The following CDR2 variants were observed in gnomAD, a reference collection of about 807,000 sequenced individuals.
CDR2 encodes the protein cerebellar degeneration related protein 2.
A neutral mutation model predicts 48.4 loss-of-function variants in CDR2; 34 were observed. The ratio of observed to expected loss-of-function variants is 0.70; its 90% confidence interval spans 0.53 to 0.94. The LOEUF is 0.94. Ranked by LOEUF, CDR2 falls within the 40% of genes least tolerant of loss-of-function variation. The pLI, the probability that CDR2 is intolerant of heterozygous loss-of-function variation, is 0.00. For missense variants in CDR2, 498 were observed against 549.5 expected (o/e 0.91, Z 0.94); for synonymous variants, 240 against 219.7 (o/e 1.09, Z -0.82).
intron 1 of CDR2, among the ~76,000 whole-genome samples, chr16:22,366,542 A>G (rs2049045815): frequency 6.6e-6 from 1 of 152,308 alleles, no homozygotes; most frequent in East Asian, 1.9e-4. Flanking sequence ...TCAGGGAAAC[A>G]GCACTCCAGG....
At chr16:22,368,469 C>T (rs2049056747) in intron 1 of CDR2, among the ~76,000 whole-genome samples, 1 of 152,212 alleles carries the variant, frequency 6.6e-6, no homozygotes, top group African/African-American at 2.4e-5. Flanking sequence ...CGCGGCCTCC[C>T]CAAGTGCTGG....
chr16:22,349,625 T>G, intron 3 of CDR2, 76 bp downstream of exon 3: 1 of 1,506,054 alleles, frequency 6.6e-7, no homozygotes, highest in Non-Finnish European at 9.1e-7. Context: ...CCAAACCCAC[T>G]GCAGCCATGT....
chr16:22,358,120 G>C (rs554957784), intron 2 of CDR2, among the ~76,000 whole-genome samples: 4 of 152,172 alleles, frequency 2.6e-5, no homozygotes, highest in Non-Finnish European at 4.4e-5. Context: ...CAGACATCTA[G>C]GTCTATGGAG....
intron 2 of CDR2, among the ~76,000 whole-genome samples, chr16:22,352,122 C>A (rs867540345): frequency 6.6e-6 from 1 of 152,124 alleles, no homozygotes; most frequent in African/African-American, 2.4e-5. Context: ...CGTGGTGGCA[C>A]GCGCCTGTAA....
intron 2 of CDR2, among the ~76,000 whole-genome samples, 179 bp downstream of exon 2, chr16:22,364,723 C>A (rs1323181678): frequency 6.6e-6 from 1 of 151,982 alleles, no homozygotes; most frequent in African/African-American, 2.4e-5. Flanking sequence ...ATTAGCCAGG[C>A]GTGGTGGCAG....
chr16:22,374,164 AAC>A lies in CDR2; in HGVS notation c.79+65_79+66del, dbSNP rs971598126. On this transcript the variant is annotated intron_variant, in intron 1 of 4. Coordinates refer to ENST00000268383, the MANE Select transcript of CDR2 (RefSeq NM_001802.2). ...CCGCCGCCACAAAAAGCAACTTTTT[AAC>A]AGTTTCGCAGCGGGGGCCTCCCGGG... 1.9e-5 allele frequency: 20 copies of A among 1,058,552 alleles called. 1 individual carries two copies. The Admixed American group carries it at 2.3e-4, about 12-fold the overall frequency. The allele number at this position is 1,058,552 out of a possible 1,614,324, so 65.6% of individuals were successfully genotyped here. A position where few individuals can be genotyped will look rare whatever the true frequency, so the allele number is the denominator to read the frequency against.
At chr16:22,352,611 A>G (rs2048949849) in intron 2 of CDR2, among the ~76,000 whole-genome samples, 1 of 152,180 alleles carries the variant, frequency 6.6e-6, no homozygotes, top group Admixed American at 6.5e-5. Flanking sequence ...AAAAGTATGA[A>G]CTAAGACTAT....
chr16:22,353,052 A>T (rs2048952884), intron 2 of CDR2, among the ~76,000 whole-genome samples: 1 of 152,236 alleles, frequency 6.6e-6, no homozygotes, highest in Non-Finnish European at 1.5e-5. Flanking sequence ...GAATATATAT[A>T]TAATAGCTGC....
At chr16:22,359,090 T>C (rs763992515) in intron 2 of CDR2, among the ~76,000 whole-genome samples, 11 of 152,198 alleles carry the variant, frequency 7.2e-5, no homozygotes, top group Non-Finnish European at 1.5e-4. Flanking sequence ...AAAGCTGTTA[T>C]ATATCCATAC....
chr16:22,363,294 G>A (rs1053677250), intron 2 of CDR2, among the ~76,000 whole-genome samples: 1 of 152,116 alleles, frequency 6.6e-6, no homozygotes, highest in Non-Finnish European at 1.5e-5. Context: ...ACGCTCTTTT[G>A]ATGTAGAATA....
chr16:22,355,940 TTTGACA>T (rs1235655219), intron 2 of CDR2, among the ~76,000 whole-genome samples: 1 of 152,158 alleles, frequency 6.6e-6, no homozygotes, highest in Non-Finnish European at 1.5e-5. Context: ...AATTTTTTCT[TTTGACA>T]GAGGCAATAA....
In CDR2 at chr16:22,347,701, C is replaced by A. The variant is rs1372523501; in HGVS notation, c.629G>T (p.Ser210Ile). ...KTVTMLQAQLSLERQKRVTME... is the reference protein window; with the variant it reads ...KTVTMLQAQLILERQKRVTME... ...AGTCACCCGCTTCTGCCGCTCCAGG[C>A]TCAGCTGGGCCTGCAACATTGTCAC... is the stretch of plus-strand genomic sequence containing the variant. Residue 210 changes from serine (S) to isoleucine (I), a missense_variant, in exon 5 of 5, where the codon AGC becomes ATC. Coordinates refer to ENST00000268383, the MANE Select transcript of CDR2 (RefSeq NM_001802.2). 1 of 1,614,042 alleles carries A rather than the reference C, an allele frequency of 6.2e-7. No homozygotes were observed. The highest frequency in any genetic ancestry group is 1.3e-5 in the African/African-American group (1 of 74,906).
chr16:22,352,361 G>A (rs1197380209), intron 2 of CDR2, among the ~76,000 whole-genome samples: 1 of 151,620 alleles, frequency 6.6e-6, no homozygotes, highest in Non-Finnish European at 1.5e-5. Flanking sequence ...GTTGAAAAAA[G>A]CATATATGGC....
intron 2 of CDR2, among the ~76,000 whole-genome samples, chr16:22,361,188 T>C (rs1212179556): frequency 6.6e-6 from 1 of 152,238 alleles, no homozygotes; most frequent in Admixed American, 6.5e-5. Context: ...CCAGATGAGC[T>C]GATAATGCTC....
chr16:22,352,723 C>T (rs567665190), intron 2 of CDR2, among the ~76,000 whole-genome samples: 22 of 152,102 alleles, frequency 1.4e-4, no homozygotes, highest in East Asian at 9.6e-4. Context: ...TTTTTGAGTT[C>T]GGAATTAGTA....
intron 2 of CDR2, among the ~76,000 whole-genome samples, chr16:22,359,272 G>A (rs781223802): frequency 2.6e-5 from 4 of 151,858 alleles, no homozygotes; most frequent in Non-Finnish European, 5.9e-5. Flanking sequence ...GATTACAGGC[G>A]CCCGCCACCA....
chr16:22,373,896 G>T (rs1312448671), intron 1 of CDR2, among the ~76,000 whole-genome samples: 1 of 152,212 alleles, frequency 6.6e-6, no homozygotes, highest in Admixed American at 6.5e-5. Flanking sequence ...CTTACTGCGG[G>T]ACACACTGGC....
chr16:22,352,889 C>A (rs779230247), intron 2 of CDR2, among the ~76,000 whole-genome samples: 1 of 152,250 alleles, frequency 6.6e-6, no homozygotes, highest in South Asian at 2.1e-4. Context: ...AATTCTCATG[C>A]GTGAAGCTTT....
At chr16:22,351,038 G>A (rs1248037922) in intron 2 of CDR2, among the ~76,000 whole-genome samples, 1 of 152,090 alleles carries the variant, frequency 6.6e-6, no homozygotes, top group Non-Finnish European at 1.5e-5. Context: ...ACAGGCCCCA[G>A]TGTGTGATGT....
Sources: allele counts gnomAD v4.1 joint callset (sites outside exome capture counted in the v4.1 genomes callset), GRCh38; gene constraint gnomAD v4.1.1; transcripts MANE v1.5; gene names NCBI Gene and HGNC (gene_info 2026-07-23, HGNC 2026-07-21).